Variants in DGKH observed in about 807,000 individuals in gnomAD.
DGKH encodes DAG kinase eta.
A neutral mutation model predicts 159.3 loss-of-function variants in DGKH; 90 were observed. That is an observed-to-expected ratio of 0.57 (90% CI 0.48 to 0.67). DGKH has a LOEUF of 0.67. Ranked by LOEUF, DGKH falls within the 30% of genes least tolerant of loss-of-function variation. The pLI, the probability that DGKH is intolerant of heterozygous loss-of-function variation, is 0.00. For missense variants in DGKH, 1,181 were observed against 1,506.1 expected (o/e 0.78, Z 3.57); for synonymous variants, 536 against 553.8 (o/e 0.97, Z 0.45).
At chr13:42,086,277 A>G (rs1954299404) in intron 1 of DGKH, among the ~76,000 whole-genome samples, 1 of 152,142 alleles carries the variant, frequency 6.6e-6, no homozygotes, top group East Asian at 1.9e-4. Flanking sequence ...CTTTGTGTCA[A>G]CCTTGTTGCC....
intron 16 of DGKH, among the ~76,000 whole-genome samples, chr13:42,194,422 C>G (rs1594183871): frequency 6.6e-6 from 1 of 152,196 alleles, no homozygotes; most frequent in African/African-American, 2.4e-5. Context: ...CATGAGCCAC[C>G]ACACCTGGCC....
chr13:42,245,918 AATC>A (rs1958577101), downstream of DGKH, among the ~76,000 whole-genome samples: 1 of 152,198 alleles, frequency 6.6e-6, no homozygotes, highest in Admixed American at 6.5e-5. Flanking sequence ...GGGCTAGCTG[AATC>A]ATCATATTAA....
chr13:42,151,522 T>A (rs1277981458), intron 3 of DGKH, among the ~76,000 whole-genome samples: 32 of 102,052 alleles, frequency 3.1e-4, no homozygotes, highest in African/African-American at 9.7e-4. Flanking sequence ...CATGTATATA[T>A]ATACACGTGT....
intron 1 of DGKH, among the ~76,000 whole-genome samples, chr13:42,126,274 A>G (rs1369321884): frequency 1.3e-5 from 2 of 152,202 alleles, no homozygotes; most frequent in East Asian, 1.9e-4. Context: ...GGTGGGTAAT[A>G]AGATCAGGAT....
intron 1 of DGKH, among the ~76,000 whole-genome samples, chr13:42,095,103 A>G (rs1954495949): frequency 6.7e-6 from 1 of 148,648 alleles, no homozygotes; most frequent in Admixed American, 6.7e-5. Flanking sequence ...ACTGTGGGAG[A>G]TACTACTGTA....
intron 13 of DGKH, among the ~76,000 whole-genome samples, chr13:42,178,805 A>ACTGGAAAG (rs1204657271): frequency 6.6e-6 from 1 of 152,204 alleles, no homozygotes; most frequent in African/African-American, 2.4e-5. Flanking sequence ...ATGTCAAGAG[A>ACTGGAAAG]CTGGAAAGTC....
intron 1 of DGKH, among the ~76,000 whole-genome samples, chr13:42,118,086 G>T (rs9315890): frequency 0.13 from 20,407 of 152,086 alleles, 1,564 homozygotes; most frequent in South Asian, 0.18. Context: ...GCGTGTTGGC[G>T]GGCGCCTGTA....
chr13:42,099,976 C>T (rs186347893), intron 1 of DGKH, among the ~76,000 whole-genome samples: 4 of 152,196 alleles, frequency 2.6e-5, no homozygotes, highest in African/African-American at 4.8e-5. Flanking sequence ...CAAACAGATA[C>T]ATTATTGTGA....
chr13:42,163,460 C>T (rs1179456946), intron 7 of DGKH, among the ~76,000 whole-genome samples: 1 of 152,014 alleles, frequency 6.6e-6, no homozygotes, highest in East Asian at 1.9e-4. Flanking sequence ...ATGGTTGAAC[C>T]AGGTTACAGT....
intron 29 of DGKH, among the ~76,000 whole-genome samples, chr13:42,248,595 A>G (rs1454429094): frequency 6.8e-6 from 1 of 147,394 alleles, no homozygotes; most frequent in Admixed American, 6.8e-5. Flanking sequence ...TATAATTTCA[A>G]TGTAATAATT....
At chr13:42,246,766 T>G (rs1958583634), downstream of DGKH, among the ~76,000 whole-genome samples, 1 of 152,154 alleles carries the variant, frequency 6.6e-6, no homozygotes, top group African/African-American at 2.4e-5. Context: ...TGCTGCTGTA[T>G]CACCCCCCGC....
At chr13:42,216,944 T>G (rs562155523) in intron 26 of DGKH, among the ~76,000 whole-genome samples, 1 of 152,348 alleles carries the variant, frequency 6.6e-6, no homozygotes, top group East Asian at 1.9e-4. Flanking sequence ...ACACGAAAAG[T>G]ACCTGCTGAG....
intron 18 of DGKH, 98 bp from the exon 19 acceptor site, chr13:42,199,468 G>A: frequency 1.2e-6 from 1 of 802,264 alleles, no homozygotes. Context: ...GCTATAAAAT[G>A]AAAGCTTAAA....
chr13:42,137,625 C>G (rs2137870761), intron 3 of DGKH, among the ~76,000 whole-genome samples: 1 of 152,222 alleles, frequency 6.6e-6, no homozygotes, highest in East Asian at 1.9e-4. Context: ...GTTGTTTTTT[C>G]TACAAGTCAA....
chr13:42,221,482 C>T (rs1247549548), intron 29 of DGKH, 88 bp downstream of exon 29: 2 of 1,536,214 alleles, frequency 1.3e-6, no homozygotes, highest in East Asian at 2.3e-5. Flanking sequence ...TTGCTTTTAG[C>T]TTCGCTTATG....
chr13:42,087,110 C>T (rs1243457276), intron 1 of DGKH, among the ~76,000 whole-genome samples: 7 of 138,868 alleles, frequency 5.0e-5, no homozygotes, highest in Non-Finnish European at 1.1e-4. Context: ...GCACAACAAT[C>T]CTTGAAGCTC....
At chr13:42,085,453 GT>G (rs1954284937) in intron 1 of DGKH, among the ~76,000 whole-genome samples, 1 of 152,184 alleles carries the variant, frequency 6.6e-6, no homozygotes, top group African/African-American at 2.4e-5. Flanking sequence ...GTGATTTGGA[GT>G]TTGTGGCAAT....
chr13:42,058,830 T>C (rs1881939722), intron 1 of DGKH, among the ~76,000 whole-genome samples: 1 of 152,220 alleles, frequency 6.6e-6, no homozygotes, highest in Non-Finnish European at 1.5e-5. Context: ...AGATACAGAT[T>C]ATCCAGTGGA....
intron 1 of DGKH, among the ~76,000 whole-genome samples, chr13:42,051,155 C>T (rs1268797395): frequency 2.0e-5 from 3 of 152,160 alleles, no homozygotes; most frequent in Non-Finnish European, 2.9e-5. Flanking sequence ...CTAATAAAAA[C>T]ATTTAGCACA....
Sources: gnomAD v4.1 joint callset for allele counts (sites outside exome capture counted in the v4.1 genomes callset) on GRCh38, gnomAD v4.1.1 for gene constraint, MANE v1.5 for transcripts, NCBI Gene and HGNC (gene_info 2026-07-23, HGNC 2026-07-21) for gene names.